The following NSD2 variants were observed in gnomAD, a reference collection of about 807,000 sequenced individuals.
NSD2 encodes nuclear receptor binding SET domain protein 2.
In NSD2, 12 loss-of-function variants were observed where a neutral mutation model predicts 139.0. The observed-to-expected ratio is 0.09, with a 90% CI of 0.06 to 0.14. The LOEUF is 0.14. NSD2 is among the 10% of genes least tolerant of loss of function. The probability of loss-of-function intolerance (pLI) is 1.00; values close to 1 mark genes in which losing one functional copy is unlikely to be tolerated. For synonymous variants in NSD2, 669 were observed against 648.7 expected, an observed-to-expected ratio of 1.03 and a Z score of -0.48; for missense variants, 1,155 against 1,745.0, an observed-to-expected ratio of 0.66 and a Z score of 6.02.
In NSD2 at chr4:1,939,894, A is replaced by G. The variant is rs1384986734; in HGVS notation, c.1881+116A>G. 3 of 1,568,878 alleles carry G rather than the reference A, an allele frequency of 1.9e-6. No individual in the cohort carries two copies. In the East Asian group the frequency reaches 6.8e-5, roughly 36 times the overall value. ...AAGCGCAGCATTGGTGCTCACTGCC[A>G]GTGCAGATGTTTTAGGGCCTCTTGG... On this transcript the variant is annotated intron_variant, in intron 9 of 21. Coordinates refer to ENST00000508803, the MANE Select transcript of NSD2 (RefSeq NM_001042424.3).
intron 3 of NSD2, among the ~76,000 whole-genome samples, chr4:1,909,522 G>A (rs1337871753): frequency 6.6e-6 from 1 of 152,162 alleles, no homozygotes; most frequent in Non-Finnish European, 1.5e-5. Flanking sequence ...AGTGGTGAGT[G>A]TCGTTGTTTT....
intron 1 of NSD2, among the ~76,000 whole-genome samples, chr4:1,890,744 G>A (rs1440630110): frequency 1.3e-5 from 2 of 151,824 alleles, no homozygotes; most frequent in African/African-American, 4.8e-5. Context: ...GATTACAGGC[G>A]CCCACCACCA....
At position 1,873,740 on chromosome 4, in the gene NSD2, G is replaced by C. The variant is rs138333037; in HGVS notation, c.-30+2198G>C. ...AAGATTCAGTGTAAAACATGCAAAAGTAGCTGGAATTAGGCTTACTAAGCT... is the reference window on the plus strand; with the variant it reads ...AAGATTCAGTGTAAAACATGCAAAACTAGCTGGAATTAGGCTTACTAAGCT... On this transcript the variant is annotated intron_variant, in intron 1 of 21. Coordinates refer to ENST00000508803, the MANE Select transcript of NSD2 (RefSeq NM_001042424.3). Among the ~76,000 whole-genome samples the C allele has an allele frequency of 9.6e-3, 1,458 of 152,336 alleles. 10 individuals carry two copies. Among genetic ancestry groups the C allele is most frequent in the Non-Finnish European group, 0.016 (1,098 of 68,028 alleles).
At chr4:1,910,741 C>T (rs1718555159) in intron 3 of NSD2, among the ~76,000 whole-genome samples, 2 of 152,150 alleles carry the variant, frequency 1.3e-5, no homozygotes, top group South Asian at 4.1e-4. Context: ...TGTTCTATTA[C>T]TTGCTGAGAG....
At chr4:1,940,142 A>G in intron 9 of NSD2, 1 of 1,139,358 alleles carries the variant, frequency 8.8e-7, no homozygotes, top group Non-Finnish European at 1.1e-6. Flanking sequence ...GAAAGGGCAC[A>G]GTGTCAGTTG....
chr4:1,945,172 C>T, intron 9 of NSD2: 1 of 1,065,456 alleles, frequency 9.4e-7, no homozygotes, highest in Non-Finnish European at 1.1e-6. Flanking sequence ...AAGTACTTCA[C>T]ACAGAAGCCT....
intron 1 of NSD2, among the ~76,000 whole-genome samples, chr4:1,895,272 C>T (rs527947221): frequency 9.2e-5 from 14 of 152,268 alleles, no homozygotes; most frequent in African/African-American, 3.1e-4. Flanking sequence ...GCTTTTAATT[C>T]TTTTGGGTAG....
Position 1,921,462 on chromosome 4 carries a change from T to TA in NSD2, c.1410+2850dup, listed in dbSNP as rs1407896380. Among the ~76,000 whole-genome samples the TA allele has an allele frequency of 2.9e-3, 366 of 124,812 alleles. 4 individuals are homozygous for TA. Among genetic ancestry groups the TA allele is most frequent in the Middle Eastern group, 5.8e-3 (1 of 172 alleles). 81.9% of individuals were successfully genotyped at this position (124,812 alleles called of 152,430 possible). A position where few individuals can be genotyped will look rare whatever the true frequency, so the allele number is the denominator to read the frequency against. ...GACAGAGCGAGACTCCGTCTCAAAT[T>TA]AAAAAAAAAAAGCATTCTCTTTAAA... On this transcript the variant is annotated intron_variant, in intron 5 of 21. Transcript: ENST00000508803.
Position 1,938,529 on chromosome 4 carries a change from G to A in NSD2, c.1753G>A (p.Ala585Thr), listed in dbSNP as rs1371619664. 2.2e-5 allele frequency: 36 copies of A among 1,601,568 alleles called. 1 individual carries two copies. In the East Asian group the frequency reaches 7.7e-4, roughly 34 times the overall value. The change falls in exon 8 of 22, where the codon GCA becomes ACA. Residue 585 changes from alanine (A) to threonine (T), a missense_variant. By Grantham distance (58) the Ala-to-Thr change is moderately conservative. Around this residue, in one of 8 missense-constraint regions of NSD2, gnomAD observed 420 missense variants for 469.0 expected, o/e 0.90. Coordinates refer to ENST00000508803, the MANE Select transcript of NSD2 (RefSeq NM_001042424.3). ...GGCAGCCTCCTCGCTCAAGAGCCAG[G>A]CAGGTAATGTGGTCAGCGCCCTTTC... ...MEAASSLKSQ[A>T]ATKNLSDACK...
chr4:1,951,992 T>C, intron 10 of NSD2, 116 bp from the exon 11 acceptor site: 2 of 1,487,090 alleles, frequency 1.3e-6, no homozygotes. Context: ...TATATATCCT[T>C]GAGTAGCAAA....
At chr4:1,908,958 C>T (rs777669998) in intron 3 of NSD2, among the ~76,000 whole-genome samples, 14 of 152,004 alleles carry the variant, frequency 9.2e-5, no homozygotes, top group South Asian at 2.1e-4. Context: ...CCAGCAGCCA[C>T]GGCTTTAGCA....
At chr4:1,951,443 TACAC>T (rs71167763) in intron 10 of NSD2, among the ~76,000 whole-genome samples, 80 of 100,968 alleles carry the variant, frequency 7.9e-4, no homozygotes, top group African/African-American at 2.1e-3. Flanking sequence ...CATCATGTAA[TACAC>T]ACACACACAC....
At chr4:1,961,747 G>A (rs766496762) in intron 18 of NSD2, among the ~76,000 whole-genome samples, 2 of 152,192 alleles carry the variant, frequency 1.3e-5, no homozygotes, top group African/African-American at 2.4e-5. Context: ...AGGTGTTGCC[G>A]GGCCCTTCCA....
At position 1,942,784 on chromosome 4, in the gene NSD2, C is replaced by T. The variant is rs749392962; in HGVS notation, c.1881+3006C>T. The T allele has an allele frequency of 1.3e-5, 14 of 1,079,062 alleles. No individual in the cohort carries two copies. The highest frequency in any genetic ancestry group is 4.0e-4 in the Middle Eastern group (1 of 2,470). The allele number at this position is 1,079,062 out of a possible 1,614,324, so 66.8% of individuals were successfully genotyped here. On this transcript the variant is annotated intron_variant, in intron 9 of 21. Coordinates refer to ENST00000508803, the MANE Select transcript of NSD2 (RefSeq NM_001042424.3). This position sits in a 1 kb window ranked among gnomAD's most constrained non-coding sequence, Gnocchi z 4.0. ...ACTGGACTTTTGTGGAAAATATCAG[C>T]GTCGCTACCCTCAGAAACAAACTAA... is the stretch of plus-strand genomic sequence containing the variant.
intron 9 of NSD2, among the ~76,000 whole-genome samples, chr4:1,950,547 C>T (rs1188694951): frequency 6.6e-6 from 1 of 152,218 alleles, no homozygotes; most frequent in Non-Finnish European, 1.5e-5. Context: ...TGCACCCCCG[C>T]GTAGGCACAT....
At chr4:1,930,902 C>T (rs984129018) in intron 6 of NSD2, 132 bp downstream of exon 6, 13 of 1,149,038 alleles carry the variant, frequency 1.1e-5, no homozygotes, top group Admixed American at 5.3e-5. Flanking sequence ...TTTGGGCCAG[C>T]GGTCCAAGTG....
Position 1,942,293 on chromosome 4 carries a change from C to T in NSD2, c.1881+2515C>T. ...TGTTTTGTAACTTCATTTTTTATTC[C>T]TTTAGTAGAGCAAATTCTTATTTTT... On this transcript the variant is annotated intron_variant, in intron 9 of 21. Transcript: ENST00000508803. This position sits in a 1 kb window ranked among gnomAD's most constrained non-coding sequence, Gnocchi z 4.0. The T allele has an allele frequency of 6.2e-7, 1 of 1,607,928 alleles. No individual in the cohort carries two copies. The highest frequency in any genetic ancestry group is 1.1e-5 in the South Asian group (1 of 89,550).
At chr4:1,935,299 G>T (rs758162681) in intron 7 of NSD2, 37 bp downstream of exon 7, 2 of 1,515,564 alleles carry the variant, frequency 1.3e-6, no homozygotes, top group Non-Finnish European at 1.8e-6. Context: ...CTGTCAGAGT[G>T]TATGCTCTGT....
intron 6 of NSD2, 120 bp from the exon 7 acceptor site, chr4:1,935,024 A>G: frequency 3.3e-6 from 2 of 602,148 alleles, no homozygotes; most frequent in Admixed American, 3.3e-5. Context: ...CAGCAGGGTT[A>G]CAGGAAACCC....
Sources: allele counts gnomAD v4.1 joint callset (sites outside exome capture counted in the v4.1 genomes callset), GRCh38; gene constraint gnomAD v4.1.1; regional missense constraint gnomAD v4.1.1; non-coding constraint Gnocchi (gnomAD v3.1); transcripts MANE v1.5; gene names NCBI Gene and HGNC (gene_info 2026-07-23, HGNC 2026-07-21).